SUCLG2: variants seen among roughly 807,000 people sequenced by gnomAD.
SUCLG2 encodes the protein succinate--CoA ligase [GDP-forming] subunit beta, mitochondrial.
SUCLG2 carries 42 observed loss-of-function variants against 47.9 expected under a neutral mutation model. That is an observed-to-expected ratio of 0.88 (90% CI 0.69 to 1.14). SUCLG2 has a LOEUF of 1.14. SUCLG2 is among the 50% of genes most tolerant of loss of function. The pLI is 0.00. For synonymous variants in SUCLG2, 195 were observed against 197.3 expected (o/e 0.99, Z 0.10); for missense variants, 571 against 525.9 (o/e 1.09, Z -0.84).
intron 2 of SUCLG2, among the ~76,000 whole-genome samples, chr3:67,531,270 A>G (rs1706396932): frequency 6.6e-6 from 1 of 152,180 alleles, no homozygotes. Flanking sequence ...GTCTACTCAA[A>G]TTTTTAATTG....
At chr3:67,443,928 C>T (rs1559528590) in intron 9 of SUCLG2, among the ~76,000 whole-genome samples, 3 of 95,200 alleles carry the variant, frequency 3.2e-5, no homozygotes, top group African/African-American at 6.9e-5. Context: ...GGAGCGTCTC[C>T]GCCCGGCAGC....
chr3:67,375,684 T>A lies in SUCLG2; in HGVS notation c.*60A>T. On this transcript the variant is annotated 3_prime_UTR_variant, in exon 11 of 11. Transcript: ENST00000307227. Reference sequence around the variant, plus strand: ...GAGATAACCATTTCTTTCACAATGATGAACCATCCCTTTTTACGGAAAAAT... The same window carrying A: ...GAGATAACCATTTCTTTCACAATGAAGAACCATCCCTTTTTACGGAAAAAT... 2 of 1,544,646 alleles carry A rather than the reference T, an allele frequency of 1.3e-6. No homozygotes were observed. The highest frequency in any genetic ancestry group is 8.7e-7 in the Non-Finnish European group (1 of 1,143,664).
chr3:67,447,446 G>T (rs764569819), intron 9 of SUCLG2, among the ~76,000 whole-genome samples: 10 of 152,128 alleles, frequency 6.6e-5, no homozygotes, highest in Admixed American at 6.5e-4. Context: ...GATGCAGGTA[G>T]CTACAAAAAT....
intron 9 of SUCLG2, among the ~76,000 whole-genome samples, chr3:67,476,164 C>A (rs1304991064): frequency 6.6e-6 from 1 of 151,992 alleles, no homozygotes. Flanking sequence ...ATACAGCTGT[C>A]CCTAATCCCC....
intron 2 of SUCLG2, among the ~76,000 whole-genome samples, chr3:67,559,905 A>C (rs1277569256): frequency 3.3e-5 from 5 of 151,046 alleles, no homozygotes; most frequent in Admixed American, 2.0e-4. Flanking sequence ...ATGTAGGTTC[A>C]TCAATCGTAA....
At position 67,518,244 on chromosome 3, in the gene SUCLG2, T is replaced by C; in HGVS notation, c.660+3A>G. ...ACACACCATCCCCCAATGGCTTATA[T>C]ACCTGGCTTTTCAAAGGCCCAACGA... On this transcript the variant is annotated splice_donor_region_variant and intron_variant, in intron 6 of 10. Transcript: ENST00000307227. The C allele has an allele frequency of 6.2e-7, 1 of 1,611,188 alleles. No individual in the cohort carries two copies. Among genetic ancestry groups the C allele is most frequent in the Non-Finnish European group, 8.5e-7 (1 of 1,178,246 alleles).
At chr3:67,378,731 T>C (rs570913028) in intron 10 of SUCLG2, among the ~76,000 whole-genome samples, 1 of 152,230 alleles carries the variant, frequency 6.6e-6, no homozygotes, top group Non-Finnish European at 1.5e-5. Flanking sequence ...TAAGTGCTGA[T>C]AGGTAAGTAA....
intron 2 of SUCLG2, among the ~76,000 whole-genome samples, chr3:67,582,083 T>C (rs1248582714): frequency 6.6e-6 from 1 of 152,244 alleles, no homozygotes. Flanking sequence ...AATTTTGCCA[T>C]GTGCATGGCA....
intron 7 of SUCLG2, among the ~76,000 whole-genome samples, chr3:67,503,350 T>C (rs982487050): frequency 6.6e-6 from 1 of 151,936 alleles, no homozygotes; most frequent in African/African-American, 2.4e-5. Flanking sequence ...AGAAAATAAA[T>C]AAAAACCTGT....
chr3:67,526,053 GA>G (rs1206121318), intron 4 of SUCLG2, among the ~76,000 whole-genome samples: 1 of 152,178 alleles, frequency 6.6e-6, no homozygotes, highest in Non-Finnish European at 1.5e-5. Context: ...CACAGTTCTG[GA>G]GGCTGGGAAG....
chr3:67,612,586 G>T (rs1401626796), intron 1 of SUCLG2, among the ~76,000 whole-genome samples: 1 of 152,160 alleles, frequency 6.6e-6, no homozygotes, highest in Non-Finnish European at 1.5e-5. Flanking sequence ...ATGTTTCATG[G>T]TTAAAACAAT....
At chr3:67,361,369 A>G (rs528083539) in intron 10 of SUCLG2, among the ~76,000 whole-genome samples, 41 of 152,366 alleles carry the variant, frequency 2.7e-4, no homozygotes, top group African/African-American at 9.4e-4. Flanking sequence ...TACATTAAAT[A>G]CAAAGTCTAG....
At chr3:67,422,791 A>G (rs957580484) in intron 9 of SUCLG2, among the ~76,000 whole-genome samples, 6 of 152,138 alleles carry the variant, frequency 3.9e-5, no homozygotes, top group African/African-American at 1.4e-4. Context: ...GCATCTTACT[A>G]AAGGGTGGGC....
At chr3:67,556,215 AAAG>A (rs1707155506) in intron 2 of SUCLG2, among the ~76,000 whole-genome samples, 3 of 152,212 alleles carry the variant, frequency 2.0e-5, no homozygotes, top group Non-Finnish European at 4.4e-5. Flanking sequence ...CTGGGTCAGA[AAAG>A]AAGGACAATC....
chr3:67,492,169 T>G (rs1017238581), intron 9 of SUCLG2, among the ~76,000 whole-genome samples: 1 of 152,208 alleles, frequency 6.6e-6, no homozygotes, highest in African/African-American at 2.4e-5. Context: ...ATGCCAATCG[T>G]GTACTTTTGC....
intron 2 of SUCLG2, among the ~76,000 whole-genome samples, chr3:67,529,917 T>G (rs980183655): frequency 3.3e-5 from 5 of 152,216 alleles, no homozygotes; most frequent in Non-Finnish European, 7.3e-5. Flanking sequence ...GTGCATGAAG[T>G]AGCCCAGTGA....
Position 67,375,442 on chromosome 3 carries a change from A to G in SUCLG2, c.*302T>C, listed in dbSNP as rs901177914. On this transcript the variant is annotated 3_prime_UTR_variant, in exon 11 of 11. Transcript: ENST00000307227. The stretch of plus-strand genomic sequence containing the variant: ...CAGGACTTGATTTCAAATTCTGTCT[A>G]TACACACAATATTTGGCCACATAGA... 1.1e-5 allele frequency: 11 copies of G among 1,045,456 alleles called. No homozygotes were observed. Among genetic ancestry groups the G allele is most frequent in the South Asian group, 4.2e-5 (1 of 23,800 alleles). 64.8% of individuals were successfully genotyped at this position (1,045,456 alleles called of 1,614,324 possible). A position where few individuals can be genotyped will look rare whatever the true frequency, so the allele number is the denominator to read the frequency against.
At chr3:67,399,357 T>C (rs1386107023) in intron 10 of SUCLG2, among the ~76,000 whole-genome samples, 1 of 152,162 alleles carries the variant, frequency 6.6e-6, no homozygotes, top group Non-Finnish European at 1.5e-5. Flanking sequence ...TGCTCACTTT[T>C]CCATGAAATG....
chr3:67,362,848 A>G (rs1004468005), intron 10 of SUCLG2, among the ~76,000 whole-genome samples: 15 of 152,198 alleles, frequency 9.9e-5, no homozygotes, highest in Non-Finnish European at 1.6e-4. Flanking sequence ...GCCTGTAATC[A>G]GTGACTCATA....
Sources: allele counts gnomAD v4.1 joint callset (sites outside exome capture counted in the v4.1 genomes callset), GRCh38; gene constraint gnomAD v4.1.1; transcripts MANE v1.5; gene names NCBI Gene and HGNC (gene_info 2026-07-23, HGNC 2026-07-21).